Variants in FEZ1 observed in about 807,000 individuals in gnomAD.
The protein encoded by FEZ1 is fasciculation and elongation protein zeta 1.
In FEZ1, 20 loss-of-function variants were observed where a neutral mutation model predicts 49.3. The observed-to-expected ratio is 0.41, with a 90% confidence interval of 0.29 to 0.59. FEZ1 has a LOEUF of 0.59. FEZ1 is among the 20% of genes least tolerant of loss of function. FEZ1 has a pLI of 0.36. For synonymous variants in FEZ1, 170 were observed against 180.9 expected (o/e 0.94, Z 0.48); for missense variants, 413 against 476.0 (o/e 0.87, Z 1.23).
rs574962881 is a variant in FEZ1 at position 125,475,513 on chromosome 11, T to C, written c.411+6021A>G. ...ACAGTTTGGTAGTTCCTTAAAAATTTAGACATGGGAGTTAAATGATGAGAA... is the reference window on the plus strand; with the variant it reads ...ACAGTTTGGTAGTTCCTTAAAAATTCAGACATGGGAGTTAAATGATGAGAA... On this transcript the variant is annotated intron_variant, in intron 3 of 9. Coordinates refer to ENST00000278919, the MANE Select transcript of FEZ1 (RefSeq NM_005103.5). Among the ~76,000 whole-genome samples the C allele has an allele frequency of 3.3e-5, 5 of 152,122 alleles. No homozygotes were observed. The East Asian group carries it at 9.7e-4, about 29-fold the overall frequency.
intron 2 of FEZ1, among the ~76,000 whole-genome samples, chr11:125,486,712 G>A (rs1957328999): frequency 6.6e-6 from 1 of 152,130 alleles, no homozygotes; most frequent in Non-Finnish European, 1.5e-5. Context: ...CTCATTTGTG[G>A]ATGAAACAGC....
chr11:125,485,674 G>A (rs1402133078), intron 2 of FEZ1, among the ~76,000 whole-genome samples: 4 of 151,970 alleles, frequency 2.6e-5, no homozygotes, highest in Non-Finnish European at 4.4e-5. Context: ...GGTGGCTCAC[G>A]CCTGTAATCC....
intron 2 of FEZ1, among the ~76,000 whole-genome samples, chr11:125,488,007 A>G (rs1187600331): frequency 6.6e-6 from 1 of 152,204 alleles, no homozygotes; most frequent in Middle Eastern, 3.2e-3. Context: ...AAACAAAAGC[A>G]CAGGTGCTTC....
At chr11:125,451,618 A>T (rs1956958606) in intron 8 of FEZ1, 2 of 152,018 alleles carry the variant, frequency 1.3e-5, no homozygotes, top group Non-Finnish European at 1.5e-5. Flanking sequence ...GCCTGTCACC[A>T]CATCTCAGCC....
intron 2 of FEZ1, among the ~76,000 whole-genome samples, chr11:125,487,242 G>GCAT (rs1957333116): frequency 6.6e-6 from 1 of 152,136 alleles, no homozygotes; most frequent in Non-Finnish European, 1.5e-5. Flanking sequence ...GGAATGGGAC[G>GCAT]CATCTTGAAA....
At chr11:125,486,261 G>A (rs996311062) in intron 2 of FEZ1, among the ~76,000 whole-genome samples, 5 of 152,250 alleles carry the variant, frequency 3.3e-5, no homozygotes, top group East Asian at 1.9e-4. Context: ...CAGGGTACTC[G>A]TAAGAGGGCT....
Position 125,457,403 on chromosome 11 carries a change from T to TAAA in FEZ1, c.668-1300_668-1298dup, listed in dbSNP as rs141594971. Among the ~76,000 whole-genome samples, 75 of 35,124 alleles carry TAAA rather than the reference T, an allele frequency of 2.1e-3. 2 individuals are homozygous for TAAA. Among genetic ancestry groups the TAAA allele is most frequent in the Non-Finnish European group, 3.0e-3 (61 of 20,176 alleles). 23.0% of individuals were successfully genotyped at this position (35,124 alleles called of 152,430 possible). A position where few individuals can be genotyped will look rare whatever the true frequency, so the allele number is the denominator to read the frequency against. ...CAACATGGTGAAACTGTTTCTACTT[T>TAAA]AAAAAAAAAAAAAAAAAAAAAAAAA... On this transcript the variant is annotated intron_variant, in intron 5 of 9. Transcript: ENST00000278919.
chr11:125,455,459 A>T, intron 6 of FEZ1: 1 of 267,044 alleles, frequency 3.7e-6, no homozygotes, highest in Non-Finnish European at 7.2e-6. Context: ...AGCACGCCCT[A>T]AAGAGACCAG....
chr11:125,451,961 C>A (rs910561186), intron 8 of FEZ1, among the ~76,000 whole-genome samples: 1 of 152,170 alleles, frequency 6.6e-6, no homozygotes, highest in Admixed American at 6.5e-5. Context: ...GCACAAGTGC[C>A]GACCAGGCAA....
At chr11:125,470,098 GTA>G (rs1332938674) in intron 3 of FEZ1, among the ~76,000 whole-genome samples, 1 of 152,162 alleles carries the variant, frequency 6.6e-6, no homozygotes, top group Non-Finnish European at 1.5e-5. Context: ...AGATGAAAAT[GTA>G]TAGAGAAGAG....
At chr11:125,483,746 G>A (rs1957304460) in intron 2 of FEZ1, among the ~76,000 whole-genome samples, 1 of 152,168 alleles carries the variant, frequency 6.6e-6, no homozygotes, top group Non-Finnish European at 1.5e-5. Context: ...ATTCAGCAAA[G>A]CCCAAAATAG....
intron 3 of FEZ1, among the ~76,000 whole-genome samples, chr11:125,476,636 AC>A (rs1345477477): frequency 1.3e-5 from 2 of 152,162 alleles, no homozygotes; most frequent in African/African-American, 4.8e-5. Context: ...TCCAGAAAGA[AC>A]CAAAAAAGTC....
At chr11:125,493,362 A>AAAAAGAAAG (rs1957403882) in intron 1 of FEZ1, among the ~76,000 whole-genome samples, 1 of 49,534 alleles carries the variant, frequency 2.0e-5, no homozygotes, top group East Asian at 6.4e-4. Context: ...AGAAAGAGAG[A>AAAAAGAAAG]AAAGAAAGAA....
chr11:125,461,821 G>A lies in FEZ1; in HGVS notation c.499-1155C>T, dbSNP rs188092417. 1.8e-4 allele frequency among the ~76,000 whole-genome samples: 28 copies of A among 152,244 alleles called. No individual in the cohort carries two copies. The East Asian group carries it at 4.8e-3, about 26-fold the overall frequency. ...TGGACCAAAGGTAAGGGGTTTCAGG[G>A]TCTCCTCCTTTAGAATAATTTCCAT... On this transcript the variant is annotated intron_variant, in intron 4 of 9. Transcript: ENST00000278919.
At chr11:125,451,531 G>A (rs950243385) in intron 8 of FEZ1, 5 of 152,354 alleles carry the variant, frequency 3.3e-5, no homozygotes, top group African/African-American at 1.2e-4. Flanking sequence ...AGGCTGCAGT[G>A]GGCGGGGCCT....
At position 125,463,477 on chromosome 11, in the gene FEZ1, C is replaced by T. The variant is rs1957094324; in HGVS notation, c.498+7G>A. 2 of 1,557,650 alleles carry T rather than the reference C, an allele frequency of 1.3e-6. No homozygotes were observed. The highest frequency in any genetic ancestry group is 1.7e-5 in the Admixed American group (1 of 59,892). ...AAGGTCCCGATAACCTGGAGAGATA[C>T]TTATACCTGATCTGCTGTGAGCAGA... is the stretch of plus-strand genomic sequence containing the variant. On this transcript the variant is annotated splice_region_variant and intron_variant, in intron 4 of 9. Coordinates refer to ENST00000278919, the MANE Select transcript of FEZ1 (RefSeq NM_005103.5).
chr11:125,455,472 A>G (rs1957000604), intron 6 of FEZ1: 2 of 301,102 alleles, frequency 6.6e-6, no homozygotes, highest in Non-Finnish European at 1.3e-5. Context: ...GAGACCAGTC[A>G]GGACTGGAAC....
chr11:125,480,914 C>T (rs1957273163), intron 3 of FEZ1, among the ~76,000 whole-genome samples: 1 of 152,108 alleles, frequency 6.6e-6, no homozygotes, highest in Non-Finnish European at 1.5e-5. Flanking sequence ...TGGCATGCAC[C>T]TGTAGTCCCA....
chr11:125,493,469 AGAAG>A (rs1565307152), intron 1 of FEZ1, among the ~76,000 whole-genome samples: 32 of 80,652 alleles, frequency 4.0e-4, no homozygotes, highest in African/African-American at 1.5e-3. Flanking sequence ...AAAGAAGGAA[AGAAG>A]GAAAGAAGGA....
Sources: allele counts gnomAD v4.1 joint callset (sites outside exome capture counted in the v4.1 genomes callset), GRCh38; gene constraint gnomAD v4.1.1; transcripts MANE v1.5; gene names NCBI Gene and HGNC (gene_info 2026-07-23, HGNC 2026-07-21).